Variants in TXNRD1 observed in about 807,000 individuals in gnomAD.
The protein encoded by TXNRD1 is thioredoxin reductase 1, cytoplasmic.
TXNRD1 carries 57 observed loss-of-function variants against 80.3 expected under a neutral mutation model. That is an observed-to-expected ratio of 0.71 (90% confidence interval 0.57 to 0.89). The LOEUF (loss-of-function observed/expected upper bound fraction) is 0.89. TXNRD1 is among the 40% of genes least tolerant of loss of function. TXNRD1 has a pLI of 0.00. For missense variants in TXNRD1, 730 were observed against 803.0 expected (o/e 0.91, Z 1.10); for synonymous variants, 291 against 285.2 (o/e 1.02, Z -0.20).
chr12:104,262,952 C>T (rs1052806339), intron 3 of TXNRD1, among the ~76,000 whole-genome samples: 9 of 152,114 alleles, frequency 5.9e-5, no homozygotes, highest in African/African-American at 1.9e-4. Flanking sequence ...CCAGGGGATC[C>T]TCTCTCTTCA....
intron 4 of TXNRD1, among the ~76,000 whole-genome samples, chr12:104,300,487 C>T (rs1229855851): frequency 6.6e-6 from 1 of 152,152 alleles, no homozygotes; most frequent in African/African-American, 2.4e-5. Flanking sequence ...ATCAGTAGTG[C>T]AGTTTCTTCT....
intron 15 of TXNRD1, among the ~76,000 whole-genome samples, chr12:104,336,768 A>T (rs2036153417): frequency 1.3e-5 from 2 of 152,160 alleles, no homozygotes; most frequent in South Asian, 4.1e-4. Context: ...GTATTAACTT[A>T]TTTAATCCTT....
At chr12:104,282,331 C>T (rs1434671370) in intron 3 of TXNRD1, among the ~76,000 whole-genome samples, 1 of 152,322 alleles carries the variant, frequency 6.6e-6, no homozygotes, top group South Asian at 2.1e-4. Flanking sequence ...GTCAGGCTTG[C>T]AGAGAATTAC....
rs761209697 is a variant in TXNRD1, at chr12:104,289,053, A to C, written c.414+13A>C. ...TCCAACCTTGAAGGTAGGAGAGAGT[A>C]ACGTATCTTTTTAAACGGGGGATGA... On this transcript the variant is annotated intron_variant, in intron 4 of 16. Transcript: ENST00000525566. 6.2e-7 allele frequency: 1 copy of C among 1,607,280 alleles called. No homozygotes were observed. Among genetic ancestry groups the C allele is most frequent in the Non-Finnish European group, 8.5e-7 (1 of 1,174,826 alleles).
intron 2 of TXNRD1, among the ~76,000 whole-genome samples, chr12:104,252,789 G>A (rs2033157434): frequency 3.8e-5 from 5 of 131,786 alleles, no homozygotes; most frequent in South Asian, 5.1e-4. Flanking sequence ...TGCAAGCTCC[G>A]TCTCCCGGGT....
intron 4 of TXNRD1, chr12:104,303,890 G>A (rs761414587): frequency 6.5e-7 from 1 of 1,531,234 alleles, no homozygotes; most frequent in Non-Finnish European, 8.7e-7. Flanking sequence ...GATCATCCCC[G>A]GTAGCGAGTA....
intron 4 of TXNRD1, chr12:104,304,407 C>G (rs764395246): frequency 6.2e-7 from 1 of 1,613,958 alleles, no homozygotes; most frequent in East Asian, 2.2e-5. Context: ...GAAAAGGAAG[C>G]AACATCCTGG....
chr12:104,339,059 G>A, intron 15 of TXNRD1, 80 bp from the exon 16 acceptor site: 1 of 1,553,660 alleles, frequency 6.4e-7, no homozygotes, highest in Non-Finnish European at 8.7e-7. Flanking sequence ...AAACAGACTG[G>A]AGAAATGCTC....
chr12:104,337,794 T>C (rs1386443188), intron 15 of TXNRD1, among the ~76,000 whole-genome samples: 1 of 151,838 alleles, frequency 6.6e-6, no homozygotes, highest in Non-Finnish European at 1.5e-5. Flanking sequence ...TTATTTGTAT[T>C]TTATTTTTTA....
chr12:104,328,632 G>A (rs1411864215), intron 13 of TXNRD1, among the ~76,000 whole-genome samples: 4 of 151,858 alleles, frequency 2.6e-5, no homozygotes, highest in East Asian at 1.9e-4. Flanking sequence ...GGTGGCGGGC[G>A]CCTGTAGTCC....
At chr12:104,254,644 A>AAAAAAAAAAAAAAAATAT in intron 2 of TXNRD1, among the ~76,000 whole-genome samples, 37 of 93,618 alleles carry the variant, frequency 4.0e-4, no homozygotes, top group Non-Finnish European at 5.2e-4. Context: ...AAAAAAAAAA[A>AAAAAAAAAAAAAAAATAT]ATATATATAT....
chr12:104,320,135 CTG>C (rs1244497960), intron 9 of TXNRD1, among the ~76,000 whole-genome samples: 1 of 152,166 alleles, frequency 6.6e-6, no homozygotes, highest in East Asian at 1.9e-4. Context: ...AGATGTTTTG[CTG>C]TGTGGTTTAT....
chr12:104,254,644 A>AAAAAAAAAAAAAAAAAATATAT, intron 2 of TXNRD1, among the ~76,000 whole-genome samples: 15 of 93,628 alleles, frequency 1.6e-4, no homozygotes, highest in African/African-American at 2.1e-4. Flanking sequence ...AAAAAAAAAA[A>AAAAAAAAAAAAAAAAAATATAT]ATATATATAT....
chr12:104,225,288 G>A (rs1208327109), intron 1 of TXNRD1, among the ~76,000 whole-genome samples: 2 of 152,134 alleles, frequency 1.3e-5, no homozygotes, highest in African/African-American at 2.4e-5. Flanking sequence ...GGAAAGTGAG[G>A]CCCAGAGAGG....
In TXNRD1 at chr12:104,349,677, T is replaced by G. The variant is rs987463153; in HGVS notation, c.*1256T>G. On this transcript the variant is annotated 3_prime_UTR_variant, in exon 17 of 17. Coordinates refer to ENST00000525566, the MANE Select transcript of TXNRD1 (RefSeq NM_001093771.3). The stretch of plus-strand genomic sequence containing the variant: ...GTCAATGTACTGGCTGAGGATTCTA[T>G]CTCAGCTGTCTTTTCTAACTGTGTA... The G allele has an allele frequency of 6.6e-6, 1 of 152,454 alleles. No individual in the cohort carries two copies. The highest frequency in any genetic ancestry group is 2.4e-5 in the African/African-American group (1 of 41,462). The allele number at this position is 152,454 out of a possible 1,614,324, so 9.4% of individuals were successfully genotyped here. A position where few individuals can be genotyped will look rare whatever the true frequency, so the allele number is the denominator to read the frequency against.
chr12:104,224,969 A>G, intron 1 of TXNRD1: 1 of 452,196 alleles, frequency 2.2e-6, no homozygotes, highest in Non-Finnish European at 4.5e-6. Flanking sequence ...AATGTCCCAT[A>G]TGGAACATTG....
intron 1 of TXNRD1, among the ~76,000 whole-genome samples, chr12:104,251,198 G>A (rs922177691): frequency 6.6e-6 from 1 of 152,166 alleles, no homozygotes; most frequent in African/African-American, 2.4e-5. Flanking sequence ...TGGGAATAGA[G>A]ATGGCATAAA....
At chr12:104,313,588 A>G (rs2035216708) in intron 6 of TXNRD1, among the ~76,000 whole-genome samples, 1 of 152,208 alleles carries the variant, frequency 6.6e-6, no homozygotes, top group African/African-American at 2.4e-5. Context: ...TAGCATATAT[A>G]GGGGCTTAAT....
intron 10 of TXNRD1, among the ~76,000 whole-genome samples, chr12:104,322,997 T>C (rs966367986): frequency 7.5e-5 from 10 of 132,872 alleles, no homozygotes; most frequent in African/African-American, 3.0e-4. Flanking sequence ...TAGGGAGTGG[T>C]GATGACTCTT....
Sources: gnomAD v4.1 joint callset for allele counts (sites outside exome capture counted in the v4.1 genomes callset) on GRCh38, gnomAD v4.1.1 for gene constraint, MANE v1.5 for transcripts, NCBI Gene and HGNC (gene_info 2026-07-23, HGNC 2026-07-21) for gene names.